Variants in CFAP68 observed in about 807,000 individuals in gnomAD.
CFAP68 encodes cilia- and flagella-associated protein 68.
the CFAP68 span, chr11:111,879,565 C>G: frequency 1.9e-6 from 3 of 1,614,152 alleles, no homozygotes; most frequent in East Asian, 4.5e-5. Context: ...TCTGAAATGG[C>G]TGCCTCCCAG....
chr11:111,882,090 T>C, the CFAP68 span, among the ~76,000 whole-genome samples: 1 of 152,216 alleles, frequency 6.6e-6, no homozygotes, highest in Non-Finnish European at 1.5e-5. Flanking sequence ...TAATTCTCCA[T>C]ATTGTATTGG....
At chr11:111,885,863 T>TA in the CFAP68 span, 1 of 149,434 alleles carries the variant, frequency 6.7e-6, no homozygotes, top group Non-Finnish European at 1.5e-5. Flanking sequence ...AGGAAGTTTC[T>TA]TTTTTTTTTC....
At chr11:111,881,925 GCAT>G in the CFAP68 span, among the ~76,000 whole-genome samples, 1 of 152,116 alleles carries the variant, frequency 6.6e-6, no homozygotes, top group Non-Finnish European at 1.5e-5. Context: ...TTCAGGGAAG[GCAT>G]CATTTGAGCT....
chr11:111,882,963 C>G, the CFAP68 span, among the ~76,000 whole-genome samples: 6 of 152,138 alleles, frequency 3.9e-5, no homozygotes, highest in Admixed American at 6.5e-5. Context: ...TAAATCGCTC[C>G]TAAACAAACA....
the CFAP68 span, chr11:111,882,462 T>C: frequency 1.2e-6 from 2 of 1,614,170 alleles, no homozygotes; most frequent in South Asian, 1.1e-5. Flanking sequence ...TGGAATAATA[T>C]GTCCAAGTTT....
chr11:111,885,733 G>A, the CFAP68 span: 1 of 152,108 alleles, frequency 6.6e-6, no homozygotes, highest in Non-Finnish European at 1.5e-5. Flanking sequence ...GAGAGATACT[G>A]CCCATATGTT....
the CFAP68 span, chr11:111,885,696 A>G: frequency 6.6e-6 from 1 of 152,202 alleles, no homozygotes; most frequent in Non-Finnish European, 1.5e-5. Flanking sequence ...ACTGTGTAAG[A>G]AGACACTATA....
chr11:111,885,487 T>A, the CFAP68 span: 1 of 152,162 alleles, frequency 6.6e-6, no homozygotes, highest in Non-Finnish European at 1.5e-5. Context: ...GTCTTGGTAA[T>A]GATTCAAAGG....
chr11:111,880,853 A>G, the CFAP68 span: 1 of 451,680 alleles, frequency 2.2e-6, no homozygotes, highest in Non-Finnish European at 4.4e-6. Flanking sequence ...GTTGTAAGCC[A>G]TTTTAACAGA....
At chr11:111,881,659 A>G in the CFAP68 span, 4 of 1,488,262 alleles carry the variant, frequency 2.7e-6, no homozygotes, top group Admixed American at 2.4e-5. Context: ...CATTTTGGGG[A>G]AAAAGAAAGA....
At chr11:111,885,961 AACTATGT>A in the CFAP68 span, 11 of 152,276 alleles carry the variant, frequency 7.2e-5, no homozygotes, top group South Asian at 2.1e-3. Context: ...ATTGTAAATA[AACTATGT>A]ACATGTAGGT....
At chr11:111,883,082 C>T in the CFAP68 span, 4 of 1,287,314 alleles carry the variant, frequency 3.1e-6, no homozygotes, top group African/African-American at 1.5e-5. Flanking sequence ...ATCTTTATTT[C>T]CTGATGTTAG....
chr11:111,879,963 C>T, the CFAP68 span, among the ~76,000 whole-genome samples: 1 of 152,158 alleles, frequency 6.6e-6, no homozygotes, highest in Non-Finnish European at 1.5e-5. Flanking sequence ...GATGGAGAAA[C>T]AGAATAGTTG....
chr11:111,882,896 T>G, the CFAP68 span, among the ~76,000 whole-genome samples: 1 of 152,236 alleles, frequency 6.6e-6, no homozygotes, highest in Non-Finnish European at 1.5e-5. Context: ...TGACTTAGAC[T>G]AGCTTTTCCC....
At chr11:111,880,735 C>T in the CFAP68 span, 7 of 455,494 alleles carry the variant, frequency 1.5e-5, no homozygotes, top group East Asian at 4.9e-4. Context: ...TCTTAATAAA[C>T]TTCCTTATGC....
At chr11:111,880,175 T>G in the CFAP68 span, among the ~76,000 whole-genome samples, 1 of 152,204 alleles carries the variant, frequency 6.6e-6, no homozygotes, top group African/African-American at 2.4e-5. Context: ...TTGCACCTAA[T>G]AGTTTTTCAA....
chr11:111,881,586 T>A, the CFAP68 span: 5 of 1,535,858 alleles, frequency 3.3e-6, no homozygotes, highest in South Asian at 4.8e-5. Context: ...CTCAACCTAC[T>A]CAGCATCAAG....
chr11:111,884,053 A>G, the CFAP68 span: 1 of 510,734 alleles, frequency 2.0e-6, no homozygotes, highest in Middle Eastern at 4.6e-4. Context: ...CTCTGAATAA[A>G]TAAAGCAAAA....
chr11:111,880,817 A>G, the CFAP68 span: 6 of 456,172 alleles, frequency 1.3e-5, no homozygotes, highest in African/African-American at 6.0e-5. Context: ...GGTAACAAGA[A>G]CATGCTGTAT....
Sources: gnomAD v4.1 joint callset for allele counts (sites outside exome capture counted in the v4.1 genomes callset) on GRCh38, gnomAD v4.1.1 for gene constraint, MANE v1.5 for transcripts, NCBI Gene and HGNC (gene_info 2026-07-23, HGNC 2026-07-21) for gene names.